The following ZC2HC1A variants were observed in gnomAD, a reference collection of about 807,000 sequenced individuals.
ZC2HC1A encodes the protein zinc finger C2HC domain-containing protein 1A.
In ZC2HC1A, 28 loss-of-function variants were observed where a neutral mutation model predicts 40.7. The ratio of observed to expected loss-of-function variants is 0.69; its 90% CI spans 0.51 to 0.94. The LOEUF (loss-of-function observed/expected upper bound fraction) is 0.94, where lower values mean the gene tolerates loss of function less well. Ranked by LOEUF, ZC2HC1A falls within the 40% of genes least tolerant of loss-of-function variation. The pLI is 0.00. For missense variants in ZC2HC1A, 389 were observed against 386.3 expected, an observed-to-expected ratio of 1.01 and a Z score of -0.06; for synonymous variants, 129 against 129.2, an observed-to-expected ratio of 1.00 and a Z score of 0.01.
intron 8 of ZC2HC1A, among the ~76,000 whole-genome samples, chr8:78,715,632 A>T (rs1811077828): frequency 6.6e-6 from 1 of 152,162 alleles, no homozygotes; most frequent in Non-Finnish European, 1.5e-5. Flanking sequence ...ACTTTGAGGG[A>T]CTTAAGACTT....
At chr8:78,709,547 ATTAT>A (rs1456490891) in intron 7 of ZC2HC1A, among the ~76,000 whole-genome samples, 5 of 152,080 alleles carry the variant, frequency 3.3e-5, no homozygotes, top group African/African-American at 9.7e-5. Context: ...TGAGATACTA[ATTAT>A]TTGTGTAGGA....
intron 3 of ZC2HC1A, 64 bp downstream of exon 3, chr8:78,678,743 T>A (rs1563621678): frequency 9.0e-7 from 1 of 1,105,944 alleles, no homozygotes; most frequent in Non-Finnish European, 1.3e-6. Context: ...AATATTATAT[T>A]ATCTGTTACA....
chr8:78,703,644 C>T (rs1810678952), intron 7 of ZC2HC1A, among the ~76,000 whole-genome samples: 1 of 151,184 alleles, frequency 6.6e-6, no homozygotes, highest in Non-Finnish European at 1.5e-5. Flanking sequence ...AAATTTTTCT[C>T]CATCCCTTTA....
intron 3 of ZC2HC1A, among the ~76,000 whole-genome samples, chr8:78,681,484 A>C (rs1809776687): frequency 6.6e-6 from 1 of 152,196 alleles, no homozygotes; most frequent in African/African-American, 2.4e-5. Flanking sequence ...CTGACGTTTA[A>C]GATTTTTGCA....
At chr8:78,716,657 A>G (rs890252342) in intron 8 of ZC2HC1A, among the ~76,000 whole-genome samples, 8 of 152,140 alleles carry the variant, frequency 5.3e-5, no homozygotes, top group Admixed American at 2.0e-4. Flanking sequence ...GACATCATAA[A>G]TGTTCATTCT....
At chr8:78,678,534 T>C (rs1809659203) in intron 2 of ZC2HC1A, 29 bp from the exon 3 acceptor site, 3 of 1,552,048 alleles carry the variant, frequency 1.9e-6, no homozygotes, top group Non-Finnish European at 1.8e-6. Flanking sequence ...GAAAAGAAAA[T>C]GATAGGCTGC....
intron 5 of ZC2HC1A, among the ~76,000 whole-genome samples, chr8:78,690,150 A>G (rs1352401583): frequency 6.6e-6 from 1 of 152,050 alleles, no homozygotes; most frequent in Non-Finnish European, 1.5e-5. Context: ...GTTCTGTTCC[A>G]TTGATTTATA....
At chr8:78,706,015 C>T (rs533880960) in intron 7 of ZC2HC1A, among the ~76,000 whole-genome samples, 34 of 152,222 alleles carry the variant, frequency 2.2e-4, no homozygotes, top group African/African-American at 7.9e-4. Context: ...ACCTGCTTAA[C>T]CAGCAGTCTG....
chr8:78,696,329 C>T (rs1353820894), intron 5 of ZC2HC1A, among the ~76,000 whole-genome samples: 2 of 152,162 alleles, frequency 1.3e-5, no homozygotes, highest in Admixed American at 6.5e-5. Context: ...CCACCGTGCC[C>T]AGCCCGTTAA....
rs527462589 is a variant in ZC2HC1A at position 78,692,026 on chromosome 8, A to AT, written c.504+2659dup. On this transcript the variant is annotated intron_variant, in intron 5 of 8. Coordinates refer to ENST00000263849, the MANE Select transcript of ZC2HC1A (RefSeq NM_016010.3). ...CATACTATCACCTCAAGTACTTACCATTTTTTGTGGTAAGAACATTTGAAA... is the reference window on the plus strand; with the variant it reads ...CATACTATCACCTCAAGTACTTACCATTTTTTTGTGGTAAGAACATTTGAAA... Among the ~76,000 whole-genome samples the AT allele has an allele frequency of 1.8e-4, 27 of 152,258 alleles. No individual in the cohort carries two copies. The East Asian group carries it at 5.2e-3, about 29-fold the overall frequency.
In ZC2HC1A at chr8:78,717,309, T is replaced by C; in HGVS notation, c.813-19T>C. 1 of 1,598,008 alleles carries C rather than the reference T, an allele frequency of 6.3e-7. No individual in the cohort carries two copies. The highest frequency in any genetic ancestry group is 8.5e-7 in the Non-Finnish European group (1 of 1,174,022). On this transcript the variant is annotated intron_variant, in intron 8 of 8. Coordinates refer to ENST00000263849, the MANE Select transcript of ZC2HC1A (RefSeq NM_016010.3). Reference sequence around the variant, plus strand: ...ACTGATACAAACTTTATCTTTTCATTGTTTCTTTACTTTTTTAGGCCAGAT... The same window carrying C: ...ACTGATACAAACTTTATCTTTTCATCGTTTCTTTACTTTTTTAGGCCAGAT...
At chr8:78,679,778 TAAA>T (rs925348199) in intron 3 of ZC2HC1A, among the ~76,000 whole-genome samples, 1 of 152,200 alleles carries the variant, frequency 6.6e-6, no homozygotes, top group Non-Finnish European at 1.5e-5. Context: ...ATCTTACTAA[TAAA>T]AAATCATTTG....
chr8:78,675,859 C>T lies in ZC2HC1A; in HGVS notation c.89C>T (p.Ala30Val). The T allele has an allele frequency of 1.2e-6, 2 of 1,609,846 alleles. No individual in the cohort carries two copies. The highest frequency in any genetic ancestry group is 1.7e-6 in the Non-Finnish European group (2 of 1,177,236). Reference protein sequence around the residue: ...KICGRTFFPVALKKHGPICQK... With the variant: ...KICGRTFFPVVLKKHGPICQK... ...TGTGGAAGAACATTCTTTCCAGTAG[C>T]ATTAGTGAGTAGACTGATTTTGTAC... is the stretch of plus-strand genomic sequence containing the variant. The change falls in exon 2 of 9, where the codon GCA becomes GTA. Residue 30 changes from alanine (A) to valine (V), a missense_variant. Transcript: ENST00000263849.
intron 1 of ZC2HC1A, among the ~76,000 whole-genome samples, chr8:78,674,104 A>T (rs796209123): frequency 1.7e-4 from 26 of 152,256 alleles, no homozygotes; most frequent in African/African-American, 5.8e-4. Flanking sequence ...AGATCTATTT[A>T]ATAAGTAAAT....
chr8:78,670,212 C>G (rs1178320949), intron 1 of ZC2HC1A, among the ~76,000 whole-genome samples: 1 of 152,058 alleles, frequency 6.6e-6, no homozygotes, highest in Non-Finnish European at 1.5e-5. Context: ...GGTGGTCTGC[C>G]TGCCTCGACG....
chr8:78,701,293 TA>T (rs1285919403), intron 7 of ZC2HC1A, among the ~76,000 whole-genome samples: 1 of 152,216 alleles, frequency 6.6e-6, no homozygotes, highest in Admixed American at 6.5e-5. Flanking sequence ...GCTCTCTGCT[TA>T]GCTGTTATTA....
At chr8:78,671,990 A>T (rs954855420) in intron 1 of ZC2HC1A, among the ~76,000 whole-genome samples, 2 of 152,130 alleles carry the variant, frequency 1.3e-5, no homozygotes, top group Non-Finnish European at 2.9e-5. Context: ...TAACTTCCTT[A>T]TTTTATGTAA....
intron 5 of ZC2HC1A, among the ~76,000 whole-genome samples, chr8:78,690,298 G>A (rs1002762192): frequency 3.9e-5 from 6 of 152,122 alleles, no homozygotes; most frequent in Admixed American, 2.0e-4. Flanking sequence ...AGTGGCTCCC[G>A]CCTTTAATCC....
intron 7 of ZC2HC1A, among the ~76,000 whole-genome samples, chr8:78,705,876 G>A (rs1338734286): frequency 6.6e-6 from 1 of 152,034 alleles, no homozygotes; most frequent in Non-Finnish European, 1.5e-5. Context: ...TCCTAGAGCA[G>A]CTGTGTTGTG....
Sources: allele counts gnomAD v4.1 joint callset (sites outside exome capture counted in the v4.1 genomes callset), GRCh38; gene constraint gnomAD v4.1.1; transcripts MANE v1.5; gene names NCBI Gene and HGNC (gene_info 2026-07-23, HGNC 2026-07-21).